The following E2F4 variants were observed in gnomAD, a reference collection of about 807,000 sequenced individuals.
E2F4 encodes the protein E2F transcription factor 4.
E2F4 carries 16 observed loss-of-function variants against 44.5 expected under a neutral mutation model. The ratio of observed to expected loss-of-function variants is 0.36; its 90% CI spans 0.24 to 0.55. The LOEUF is 0.55. E2F4 is among the 20% of genes least tolerant of loss of function. The pLI, the probability that E2F4 is intolerant of heterozygous loss-of-function variation, is 0.87. For synonymous variants in E2F4, 242 were observed against 207.2 expected, an observed-to-expected ratio of 1.17 and a Z score of -1.44; for missense variants, 473 against 522.1, an observed-to-expected ratio of 0.91 and a Z score of 0.92.
At position 67,197,564 on chromosome 16, in the gene E2F4, C is replaced by T. The variant is rs775816608; in HGVS notation, c.1034-35C>T. ...GGGCTGTAGTGGGGCCAGGCTGGAC[C>T]TCTGTGCCCTGAGCATGGCTTTCTT... On this transcript the variant is annotated intron_variant, in intron 7 of 9. Coordinates refer to ENST00000379378, the MANE Select transcript of E2F4 (RefSeq NM_001950.4). 1.5e-5 allele frequency: 24 copies of T among 1,613,208 alleles called. No homozygotes were observed. The African/African-American group carries it at 2.7e-4, about 18-fold the overall frequency.
chr16:67,195,921 C>CAGCAACAGT lies in E2F4; in HGVS notation c.952_953insACAGTAGCA (p.Ser317_Ser318insAsnSerSer). 1 of 1,613,122 alleles carries CAGCAACAGT rather than the reference C, an allele frequency of 6.2e-7. No homozygotes were observed. The highest frequency in any genetic ancestry group is 8.5e-7 in the Non-Finnish European group (1 of 1,179,180). On this transcript the variant is annotated inframe_insertion, in exon 7 of 10. Transcript: ENST00000379378. ...GCAGCAGCAGCAGCAGCAGCAGCAG[C>CAGCAACAGT]AGCAGCAGCAACAGTAACAGCAGCA... is the stretch of plus-strand genomic sequence containing the variant.
chr16:67,192,919 C>T (rs1484702110), intron 2 of E2F4, 49 bp downstream of exon 2: 6 of 1,576,154 alleles, frequency 3.8e-6, no homozygotes, highest in South Asian at 1.1e-5. Flanking sequence ...CCAGAAGTGT[C>T]GGGCGTGGGG....
At chr16:67,195,560 A>G in intron 6 of E2F4, 4 of 953,032 alleles carry the variant, frequency 4.2e-6, no homozygotes, top group Non-Finnish European at 6.1e-6. Flanking sequence ...GTATGGCCAC[A>G]GCAGACATGT....
At chr16:67,193,370 T>C in intron 3 of E2F4, 102 bp from the exon 4 acceptor site, 1 of 1,533,760 alleles carries the variant, frequency 6.5e-7, no homozygotes. Flanking sequence ...CAGAACGGTC[T>C]CTGAGGGCCT....
At chr16:67,197,787 G>T in intron 8 of E2F4, 80 bp from the exon 9 acceptor site, 4 of 1,608,580 alleles carry the variant, frequency 2.5e-6, no homozygotes, top group Middle Eastern at 3.3e-4. Context: ...TGATGGGCAG[G>T]TGGGGTTCCC....
rs1182067553 is a variant in E2F4 at position 67,198,785 on chromosome 16, AT to A, written c.*665del. The A allele has an allele frequency of 9.1e-6, 2 of 220,314 alleles. No homozygotes were observed. Among genetic ancestry groups the A allele is most frequent in the Non-Finnish European group, 1.8e-5 (2 of 110,960 alleles). The allele number at this position is 220,314 out of a possible 1,614,324, so 13.6% of individuals were successfully genotyped here. ...TTTTCATTTACCCTCATTTAGAGCCATTTGCAGAGATTTAGAAAGATTTACA... is the reference window on the plus strand; with the variant it reads ...TTTTCATTTACCCTCATTTAGAGCCATTGCAGAGATTTAGAAAGATTTACA... On this transcript the variant is annotated 3_prime_UTR_variant, in exon 10 of 10. Transcript: ENST00000379378.
intron 4 of E2F4, 22 bp from the exon 5 acceptor site, chr16:67,194,376 C>T (rs751120955): frequency 6.2e-6 from 10 of 1,613,750 alleles, no homozygotes; most frequent in Middle Eastern, 1.6e-4. Flanking sequence ...TGGGCTCTGA[C>T]CCATTCTCCA....
Position 67,197,855 on chromosome 16 carries a change from C to A in E2F4, c.1082-12C>A. 6.2e-7 allele frequency: 1 copy of A among 1,614,040 alleles called. No homozygotes were observed. Among genetic ancestry groups the A allele is most frequent in the Non-Finnish European group, 8.5e-7 (1 of 1,179,988 alleles). On this transcript the variant is annotated splice_polypyrimidine_tract_variant and intron_variant, in intron 8 of 9. Transcript: ENST00000379378. ...GCTGGAATGTTAGTAACTGAGCTCC[C>A]TCCATTCCCAGAGTGCATGAGCTCG...
chr16:67,198,910 C>G lies in E2F4; in HGVS notation c.*787C>G. The G allele has an allele frequency of 1.8e-6, 1 of 557,230 alleles. No homozygotes were observed. Among genetic ancestry groups the G allele is most frequent in the South Asian group, 2.4e-5 (1 of 41,846 alleles). The allele number at this position is 557,230 out of a possible 1,614,324, so 34.5% of individuals were successfully genotyped here. A position where few individuals can be genotyped will look rare whatever the true frequency, so the allele number is the denominator to read the frequency against. On this transcript the variant is annotated 3_prime_UTR_variant, in exon 10 of 10. Transcript: ENST00000379378. ...GTGTTCAAGTGAATAAAAACCATGC[C>G]TAAGGCTAGCTCTGATGTGGTTCTT...
At chr16:67,193,382 T>C (rs1352318224) in intron 3 of E2F4, 90 bp from the exon 4 acceptor site, 1 of 1,552,852 alleles carries the variant, frequency 6.4e-7, no homozygotes, top group Non-Finnish European at 8.9e-7. Flanking sequence ...TGAGGGCCTG[T>C]GTGTCAGACC....
At chr16:67,195,585 C>G (rs1161092164) in intron 6 of E2F4, 197 bp from the exon 7 acceptor site, 9 of 1,193,308 alleles carry the variant, frequency 7.5e-6, no homozygotes, top group East Asian at 2.6e-5. Flanking sequence ...CACGAGTCTT[C>G]TTCTGTAGGT....
At chr16:67,197,677 G>C (rs1432005931) in intron 8 of E2F4, 31 bp downstream of exon 8, 1 of 1,613,436 alleles carries the variant, frequency 6.2e-7, no homozygotes, top group African/African-American at 1.3e-5. Context: ...CTGAGGCTAG[G>C]GGTAAGGGAC....
In E2F4 at chr16:67,197,743, C is replaced by T. The variant is rs3730411; in HGVS notation, c.1081+97C>T. The T allele has an allele frequency of 8.9e-4, 1,415 of 1,595,870 alleles. 27 individuals carry two copies. The South Asian group carries it at 0.014, about 16-fold the overall frequency. The stretch of plus-strand genomic sequence containing the variant: ...TGCCCTTTTGAGGACCTTGTTGTGG[C>T]GCTTATGGTAACTGGGGCAAAGGGT... On this transcript the variant is annotated intron_variant, in intron 8 of 9. Coordinates refer to ENST00000379378, the MANE Select transcript of E2F4 (RefSeq NM_001950.4).
At chr16:67,197,706 T>A in intron 8 of E2F4, 60 bp downstream of exon 8, 1 of 1,605,204 alleles carries the variant, frequency 6.2e-7, no homozygotes, top group South Asian at 1.1e-5. Flanking sequence ...TTGGGTCCTA[T>A]GGCTGTTTTC....
rs754170562 is a variant in E2F4, at chr16:67,194,752, C to G, written c.580C>G (p.Leu194Val). ...TGTGAGTGGTCCCATTGAGGTTCTG[C>G]TGGTGAACAAGGAGGCATGGAGCTC... The part of the protein sequence containing the change: ...KSVSGPIEVL[L>V]VNKEAWSSPP... Residue 194 changes from leucine (L) to valine (V), a missense_variant, in exon 6 of 10, where the codon CTG (leucine) becomes GTG (valine). Transcript: ENST00000379378. 6.2e-7 allele frequency: 1 copy of G among 1,614,194 alleles called. No homozygotes were observed. The highest frequency in any genetic ancestry group is 1.3e-5 in the African/African-American group (1 of 75,034).
At chr16:67,192,406 G>GGCCT in intron 1 of E2F4, 44 bp downstream of exon 1, 1 of 1,419,268 alleles carries the variant, frequency 7.0e-7, no homozygotes, top group Non-Finnish European at 9.2e-7. Flanking sequence ...TGGTGGACCA[G>GGCCT]GCCTGGGCCG....
chr16:67,195,723 C>T lies in E2F4; in HGVS notation c.809-59C>T. The stretch of plus-strand genomic sequence containing the variant: ...CTCCTGTGTCTGGGTTCCAGCACAG[C>T]CAGTTTCAACGACCTCTTCCTGACC... On this transcript the variant is annotated intron_variant, in intron 6 of 9. Coordinates refer to ENST00000379378, the MANE Select transcript of E2F4 (RefSeq NM_001950.4). 1.9e-6 allele frequency: 3 copies of T among 1,605,234 alleles called. No individual in the cohort carries two copies. In the East Asian group the frequency reaches 6.7e-5, roughly 36 times the overall value.
chr16:67,193,207 A>G (rs2032916077), intron 3 of E2F4, 37 bp downstream of exon 3: 1 of 1,549,024 alleles, frequency 6.5e-7, no homozygotes, highest in African/African-American at 1.4e-5. Context: ...GGGAGTGGGC[A>G]AGGGGCCCTC....
intron 6 of E2F4, 200 bp from the exon 7 acceptor site, chr16:67,195,582 C>T (rs1436091635): frequency 8.7e-7 from 1 of 1,153,612 alleles, no homozygotes; most frequent in African/African-American, 1.6e-5. Flanking sequence ...GACCACGAGT[C>T]TTCTTCTGTA....
Sources: gnomAD v4.1 joint callset for allele counts on GRCh38, gnomAD v4.1.1 for gene constraint, MANE v1.5 for transcripts, NCBI Gene and HGNC (gene_info 2026-07-23, HGNC 2026-07-21) for gene names.